Variants in PICALM observed in about 807,000 individuals in gnomAD.
PICALM encodes phosphatidylinositol binding clathrin assembly protein.
A neutral mutation model predicts 80.5 loss-of-function variants in PICALM; 40 were observed. The observed-to-expected ratio is 0.50, with a 90% CI of 0.39 to 0.65. The LOEUF is 0.65. Ranked by LOEUF, PICALM falls within the 30% of genes least tolerant of loss-of-function variation. The pLI is 0.00. For missense variants in PICALM, 676 were observed against 778.9 expected, an observed-to-expected ratio of 0.87 and a Z score of 1.57; for synonymous variants, 288 against 260.3, an observed-to-expected ratio of 1.11 and a Z score of -1.02.
At position 85,990,365 on chromosome 11, in the gene PICALM, A is replaced by C. The variant is rs561655469; in HGVS notation, c.1293T>G (p.Asp431Glu). Residue 431 changes from aspartate (D) to glutamate (E), a missense_variant, in exon 13 of 20, where the codon GAT (aspartate) becomes GAG (glutamate). Coordinates refer to ENST00000393346, the MANE Select transcript of PICALM (RefSeq NM_007166.4). ...PFSATVDAVD[D>E]AIPSLNPFLT... ...GGAAAGGATTTAAGCTTGGAATGGC[A>C]TCATCAACAGCATCTACAGTAGCAG... 4 of 1,608,316 alleles carry C rather than the reference A, an allele frequency of 2.5e-6. No homozygotes were observed. Among genetic ancestry groups the C allele is most frequent in the Non-Finnish European group, 3.4e-6 (4 of 1,175,492 alleles).
intron 19 of PICALM, among the ~76,000 whole-genome samples, chr11:85,969,249 A>G (rs1229297252): frequency 6.6e-6 from 1 of 152,210 alleles, no homozygotes; most frequent in Non-Finnish European, 1.5e-5. Context: ...TGAGAGGGCT[A>G]GAGCTCTCTC....
At chr11:85,994,882 T>G (rs1032209006) in intron 12 of PICALM, among the ~76,000 whole-genome samples, 3 of 152,308 alleles carry the variant, frequency 2.0e-5, no homozygotes, top group Non-Finnish European at 4.4e-5. Flanking sequence ...TTTTGTATTT[T>G]TAGTAGAGAC....
At chr11:85,996,768 C>G in intron 12 of PICALM, 58 bp downstream of exon 12, 1 of 1,001,550 alleles carries the variant, frequency 1.0e-6, no homozygotes. Context: ...AAGTAAACAC[C>G]ACAGAATGAG....
intron 11 of PICALM, among the ~76,000 whole-genome samples, chr11:85,997,546 C>G (rs191216687): frequency 6.6e-6 from 1 of 152,262 alleles, no homozygotes; most frequent in African/African-American, 2.4e-5. Context: ...TCTTGGCTCA[C>G]TGTAACCTCT....
At chr11:85,998,549 T>C (rs1202391977) in intron 11 of PICALM, among the ~76,000 whole-genome samples, 2 of 151,744 alleles carry the variant, frequency 1.3e-5, no homozygotes, top group Non-Finnish European at 2.9e-5. Context: ...TCCCAGCACT[T>C]TGGGAGGCTG....
At chr11:86,043,377 A>G (rs1410038565) in intron 1 of PICALM, among the ~76,000 whole-genome samples, 1 of 152,126 alleles carries the variant, frequency 6.6e-6, no homozygotes, top group African/African-American at 2.4e-5. Flanking sequence ...TCTTAACCTC[A>G]AAGAAAATCT....
chr11:86,017,501 T>A (rs930871499), intron 4 of PICALM, among the ~76,000 whole-genome samples: 2 of 152,210 alleles, frequency 1.3e-5, no homozygotes, highest in African/African-American at 4.8e-5. Flanking sequence ...AAAAAGTTCA[T>A]TTGTTGAGTG....
At chr11:86,006,880 A>C (rs2508696) in intron 8 of PICALM, among the ~76,000 whole-genome samples, 108,841 of 152,080 alleles carry the variant, frequency 0.72, 39,503 homozygotes, top group African/African-American at 0.86. Flanking sequence ...TTAAAATAGC[A>C]AACATTAGTT....
chr11:86,024,027 G>A (rs989785259), intron 3 of PICALM, among the ~76,000 whole-genome samples: 3 of 152,116 alleles, frequency 2.0e-5, no homozygotes, highest in Non-Finnish European at 2.9e-5. Flanking sequence ...AGCTGCTCAG[G>A]AGGCTGAAGG....
intron 1 of PICALM, among the ~76,000 whole-genome samples, chr11:86,060,948 T>C (rs563413225): frequency 1.3e-4 from 20 of 152,196 alleles, no homozygotes; most frequent in Non-Finnish European, 2.4e-4. Flanking sequence ...CTGGACTTCA[T>C]TAAGATTAAA....
intron 4 of PICALM, among the ~76,000 whole-genome samples, chr11:86,017,244 C>T (rs2095495872): frequency 6.6e-6 from 1 of 150,476 alleles, no homozygotes; most frequent in Non-Finnish European, 1.5e-5. Context: ...AAAAAGTTAG[C>T]TTCTACCTCA....
chr11:85,990,509 T>C (rs919968667), intron 12 of PICALM, 110 bp from the exon 13 acceptor site: 2 of 513,116 alleles, frequency 3.9e-6, no homozygotes, highest in Non-Finnish European at 6.2e-6. Flanking sequence ...TTATTGTTTA[T>C]TAATCTTAAA....
At chr11:85,993,598 C>CACA (rs1045572848) in intron 12 of PICALM, among the ~76,000 whole-genome samples, 7 of 151,632 alleles carry the variant, frequency 4.6e-5, no homozygotes, top group Non-Finnish European at 1.0e-4. Flanking sequence ...ACCACCACAC[C>CACA]CAGCTAATTT....
chr11:85,989,671 C>T (rs546100517), intron 13 of PICALM, among the ~76,000 whole-genome samples: 3 of 152,214 alleles, frequency 2.0e-5, no homozygotes, highest in Admixed American at 6.5e-5. Context: ...CGTGTTTCTG[C>T]TTTACTATTT....
chr11:85,975,740 G>A (rs950607780), intron 18 of PICALM, among the ~76,000 whole-genome samples: 2 of 151,848 alleles, frequency 1.3e-5, no homozygotes, highest in Admixed American at 6.6e-5. Flanking sequence ...GGAATTACAG[G>A]TGTGCGCCAC....
At chr11:85,997,403 G>C (rs897216473) in intron 11 of PICALM, among the ~76,000 whole-genome samples, 2 of 152,116 alleles carry the variant, frequency 1.3e-5, no homozygotes, top group Non-Finnish European at 2.9e-5. Context: ...ATGATACAGG[G>C]AAAAAATTTT....
chr11:85,965,419 GACC>G (rs2093842503), intron 19 of PICALM, among the ~76,000 whole-genome samples: 1 of 152,070 alleles, frequency 6.6e-6, no homozygotes, highest in Non-Finnish European at 1.5e-5. Flanking sequence ...AACATTTAGA[GACC>G]ATGGTGCTAC....
At chr11:85,977,424 TTAGA>T (rs1416767442) in intron 17 of PICALM, among the ~76,000 whole-genome samples, 2 of 152,228 alleles carry the variant, frequency 1.3e-5, no homozygotes, top group African/African-American at 4.8e-5. Flanking sequence ...CAGAATCATT[TTAGA>T]TATAGTTGCT....
chr11:85,997,118 T>C (rs991412461), intron 11 of PICALM, among the ~76,000 whole-genome samples, 189 bp from the exon 12 acceptor site: 1 of 152,210 alleles, frequency 6.6e-6, no homozygotes, highest in Non-Finnish European at 1.5e-5. Flanking sequence ...AAAAATAATC[T>C]AATATCATAT....
Sources: gnomAD v4.1 joint callset for allele counts (sites outside exome capture counted in the v4.1 genomes callset) on GRCh38, gnomAD v4.1.1 for gene constraint, MANE v1.5 for transcripts, NCBI Gene and HGNC (gene_info 2026-07-23, HGNC 2026-07-21) for gene names.